CCDC171: variants seen among roughly 807,000 people sequenced by gnomAD.
The protein encoded by CCDC171 is coiled-coil domain containing 171.
In CCDC171, 177 loss-of-function variants were observed where a neutral mutation model predicts 168.2. The observed-to-expected ratio is 1.05, with a 90% CI of 0.93 to 1.19. The LOEUF is 1.19. Among genes scored for constraint, CCDC171 ranks in the 50% most tolerant of loss-of-function variants. CCDC171 has a pLI of 0.00. For missense variants in CCDC171, 1,991 were observed against 1,539.0 expected, an observed-to-expected ratio of 1.29 and a Z score of -4.91; for synonymous variants, 687 against 540.8, an observed-to-expected ratio of 1.27 and a Z score of -3.75.
At chr9:16,102,274 C>T in the CCDC171 span, among the ~76,000 whole-genome samples, 61 of 152,128 alleles carry the variant, frequency 4.0e-4, no homozygotes, top group Non-Finnish European at 8.4e-4. Context: ...CCCTGCAGCC[C>T]CAACATCTCA....
chr9:16,034,475 A>G (rs1387826575), intron 6 of CCDC171, among the ~76,000 whole-genome samples: 1 of 152,134 alleles, frequency 6.6e-6, no homozygotes, highest in African/African-American at 2.4e-5. Flanking sequence ...CATTTTTTCC[A>G]CAGTAATTTG....
chr9:16,000,531 G>A (rs952553471), intron 3 of CCDC171, among the ~76,000 whole-genome samples: 14 of 152,116 alleles, frequency 9.2e-5, no homozygotes, highest in African/African-American at 2.9e-4. Context: ...GACTGAGGTG[G>A]GGAGCGATTG....
chr9:16,087,893 C>T, the CCDC171 span, among the ~76,000 whole-genome samples: 1 of 152,076 alleles, frequency 6.6e-6, no homozygotes, highest in Admixed American at 6.6e-5. Flanking sequence ...CCGGTGATGA[C>T]AAAATCTCTC....
chr9:15,593,506 C>G (rs2042139067), intron 5 of CCDC171, among the ~76,000 whole-genome samples: 1 of 151,928 alleles, frequency 6.6e-6, no homozygotes, highest in Non-Finnish European at 1.5e-5. Context: ...CTAGAGTTTC[C>G]TTATCCTAAT....
chr9:16,051,761 T>C (rs10738430), intron 1 of CCDC171, among the ~76,000 whole-genome samples: 58,611 of 152,100 alleles, frequency 0.39, 14,149 homozygotes, highest in East Asian at 0.77. Context: ...GTTTTCTAAC[T>C]GAACTGATTT....
At chr9:15,586,117 G>C (rs747274249) in intron 4 of CCDC171, among the ~76,000 whole-genome samples, 6 of 152,166 alleles carry the variant, frequency 3.9e-5, no homozygotes, top group Admixed American at 6.5e-5. Flanking sequence ...GGAGTGAAAT[G>C]TCCTGATGTT....
chr9:15,985,581 C>G (rs926350252), intron 3 of CCDC171, among the ~76,000 whole-genome samples: 3 of 152,134 alleles, frequency 2.0e-5, no homozygotes, highest in African/African-American at 7.2e-5. Context: ...GATTAAGTGA[C>G]TTTCCCAAAT....
At chr9:15,624,553 A>G (rs1277576708) in intron 7 of CCDC171, among the ~76,000 whole-genome samples, 2 of 152,086 alleles carry the variant, frequency 1.3e-5, no homozygotes, top group African/African-American at 2.4e-5. Context: ...ATGAGTGAGA[A>G]CATACGGTGT....
At chr9:15,569,824 CAAAA>C (rs1347589310) in intron 2 of CCDC171, among the ~76,000 whole-genome samples, 1 of 111,158 alleles carries the variant, frequency 9.0e-6, no homozygotes, top group Non-Finnish European at 1.9e-5. Flanking sequence ...CAAAAAAAAA[CAAAA>C]AACAAAAAAC....
chr9:15,596,827 G>A lies in CCDC171; in HGVS notation c.675+2655G>A, dbSNP rs574096680. ...GTATCCTCTTTTATTTTGTTGAGCA[G>A]TGGTTTGTAGTTCTCCTTGAAGAGG... On this transcript the variant is annotated intron_variant, in intron 6 of 25. Transcript: ENST00000380701. Among the ~76,000 whole-genome samples the A allele has an allele frequency of 2.6e-5, 4 of 152,258 alleles. No homozygotes were observed. The South Asian group carries it at 8.3e-4, about 32-fold the overall frequency.
intron 10 of CCDC171, among the ~76,000 whole-genome samples, chr9:15,691,101 A>G (rs1047737975): frequency 3.3e-5 from 5 of 152,194 alleles, no homozygotes; most frequent in African/African-American, 7.2e-5. Context: ...TTGAGTAGAT[A>G]TACTTAACGT....
At position 15,818,787 on chromosome 9, in the gene CCDC171, G is replaced by A. The variant is rs565899405; in HGVS notation, c.3268-27915G>A. On this transcript the variant is annotated intron_variant, in intron 21 of 25. Coordinates refer to ENST00000380701, the MANE Select transcript of CCDC171 (RefSeq NM_173550.4). ...ACACTCTGCAGGATATTATCTAGGA[G>A]AACTTCCCCAATCTAGCAAGGCAGG... 1.7e-5 allele frequency among the ~76,000 whole-genome samples: 2 copies of A among 117,592 alleles called. 1 individual carries two copies. The highest frequency in any genetic ancestry group is 5.6e-4 in the South Asian group (2 of 3,594). The allele number at this position is 117,592 out of a possible 152,430, so 77.1% of individuals were successfully genotyped here.
At chr9:15,705,287 A>G (rs2052129177) in intron 11 of CCDC171, among the ~76,000 whole-genome samples, 1 of 152,194 alleles carries the variant, frequency 6.6e-6, no homozygotes. Flanking sequence ...GGAAACTACA[A>G]CAACAAAAAA....
At chr9:15,623,491 A>G (rs1286067974) in intron 7 of CCDC171, 78 bp downstream of exon 7, 156 of 635,630 alleles carry the variant, frequency 2.5e-4, no homozygotes, top group South Asian at 5.7e-4. Flanking sequence ...ACACACACAC[A>G]CACACACACA....
At chr9:15,750,177 A>C (rs2055623296) in intron 18 of CCDC171, among the ~76,000 whole-genome samples, 1 of 152,184 alleles carries the variant, frequency 6.6e-6, no homozygotes. Context: ...ACCATCAGAG[A>C]ATGCTATAAA....
intron 24 of CCDC171, among the ~76,000 whole-genome samples, chr9:15,898,935 C>A (rs745977091): frequency 3.3e-5 from 5 of 152,096 alleles, no homozygotes; most frequent in Non-Finnish European, 7.4e-5. Context: ...CAACAAAATT[C>A]TCTCTCAAGT....
Position 15,787,387 on chromosome 9 carries a change from T to C in CCDC171, c.3267+2693T>C, listed in dbSNP as rs116318912. Among the ~76,000 whole-genome samples the C allele has an allele frequency of 6.9e-3, 1,052 of 152,276 alleles. 9 individuals are homozygous for C. The highest frequency in any genetic ancestry group is 0.024 in the African/African-American group (998 of 41,562). ...CATTTGCCCATCCCCACTCACAGCT[T>C]CTGGTAATCACTTCAATGTACTGTA... On this transcript the variant is annotated intron_variant, in intron 21 of 25. Coordinates refer to ENST00000380701, the MANE Select transcript of CCDC171 (RefSeq NM_173550.4).
intron 21 of CCDC171, among the ~76,000 whole-genome samples, chr9:15,798,617 A>G (rs1324172583): frequency 2.6e-5 from 4 of 151,776 alleles, no homozygotes; most frequent in Non-Finnish European, 5.9e-5. Flanking sequence ...GCAAAATGTG[A>G]CCCACAGGTC....
At chr9:15,769,207 T>C (rs935289872) in intron 18 of CCDC171, among the ~76,000 whole-genome samples, 1 of 152,236 alleles carries the variant, frequency 6.6e-6, no homozygotes. Flanking sequence ...GTTTTTTTCT[T>C]GTCAGTAAAA....
Sources: gnomAD v4.1 joint callset for allele counts (sites outside exome capture counted in the v4.1 genomes callset) on GRCh38, gnomAD v4.1.1 for gene constraint, MANE v1.5 for transcripts, NCBI Gene and HGNC (gene_info 2026-07-23, HGNC 2026-07-21) for gene names.